The following RHBDD1 variants were observed in gnomAD, a reference collection of about 807,000 sequenced individuals.
RHBDD1 encodes the protein rhomboid domain containing 1.
Under a neutral mutation model 36.3 loss-of-function variants are expected in RHBDD1, and 38 were observed. That is an observed-to-expected ratio of 1.05 (90% CI 0.81 to 1.37). The LOEUF (loss-of-function observed/expected upper bound fraction) is 1.37, where lower values mean the gene tolerates loss of function less well. RHBDD1 is among the 40% of genes most tolerant of loss of function. The pLI is 0.00. For missense variants in RHBDD1, 393 were observed against 377.6 expected, an observed-to-expected ratio of 1.04 and a Z score of -0.34; for synonymous variants, 151 against 136.5, an observed-to-expected ratio of 1.11 and a Z score of -0.74.
intron 5 of RHBDD1, among the ~76,000 whole-genome samples, chr2:226,869,876 C>T (rs1944645462): frequency 6.6e-6 from 1 of 152,194 alleles, no homozygotes; most frequent in Admixed American, 6.5e-5. Flanking sequence ...GGGAGATGTG[C>T]AGGCCACCTC....
Position 226,849,789 on chromosome 2 carries a change from A to G in RHBDD1, c.-91+10162A>G, listed in dbSNP as rs138466294. Among the ~76,000 whole-genome samples the G allele has an allele frequency of 1.5e-4, 23 of 152,336 alleles. No individual in the cohort carries two copies. The East Asian group carries it at 3.7e-3, about 24-fold the overall frequency. On this transcript the variant is annotated intron_variant, in intron 3 of 8. Transcript: ENST00000392062. ...TATCTATATCTATATATCTATATCT[A>G]TATCTATTCCAGCTTTCAGAGTTCC...
chr2:226,818,113 G>A, the RHBDD1 span, among the ~76,000 whole-genome samples: 2 of 150,644 alleles, frequency 1.3e-5, no homozygotes, highest in Non-Finnish European at 3.0e-5. Flanking sequence ...GGCCAGATGT[G>A]GTTGGTCCAT....
Position 226,905,430 on chromosome 2 carries a change from G to A in RHBDD1, c.567-1363G>A, listed in dbSNP as rs557972776. On this transcript the variant is annotated intron_variant, in intron 5 of 8. Coordinates refer to ENST00000392062, the MANE Select transcript of RHBDD1 (RefSeq NM_001167608.3). Reference sequence around the variant, plus strand: ...GCCTATGGTCAGAGAGTGCTTGGGGGATGTGACAGTGGGGCATGTGGGAAT... The same window carrying A: ...GCCTATGGTCAGAGAGTGCTTGGGGAATGTGACAGTGGGGCATGTGGGAAT... Among the ~76,000 whole-genome samples the A allele has an allele frequency of 2.0e-5, 3 of 152,272 alleles. No individual in the cohort carries two copies. The South Asian group carries it at 6.2e-4, about 32-fold the overall frequency.
At chr2:226,869,113 A>T (rs1294730466) in intron 5 of RHBDD1, 2 of 897,448 alleles carry the variant, frequency 2.2e-6, no homozygotes, top group African/African-American at 3.6e-5. Context: ...ACTATTTCTG[A>T]AGTGCTTTTT....
At chr2:226,822,248 T>G in the RHBDD1 span, among the ~76,000 whole-genome samples, 1 of 152,288 alleles carries the variant, frequency 6.6e-6, no homozygotes, top group Non-Finnish European at 1.5e-5. Context: ...GCTTATATTA[T>G]ATTCATTTGA....
intron 8 of RHBDD1, among the ~76,000 whole-genome samples, chr2:226,934,870 T>C (rs1950242120): frequency 6.6e-6 from 1 of 152,152 alleles, no homozygotes; most frequent in Admixed American, 6.6e-5. Context: ...TTTCTTTTTT[T>C]TTTTAAATAG....
chr2:226,919,293 T>A (rs1413889917), intron 8 of RHBDD1, among the ~76,000 whole-genome samples: 1 of 152,104 alleles, frequency 6.6e-6, no homozygotes, highest in Non-Finnish European at 1.5e-5. Context: ...CTTTGTTGAT[T>A]GTTTCCTTTC....
chr2:226,880,953 A>G (rs1420489126), intron 5 of RHBDD1, among the ~76,000 whole-genome samples: 3 of 152,234 alleles, frequency 2.0e-5, no homozygotes, highest in Non-Finnish European at 4.4e-5. Flanking sequence ...GTATTAATTC[A>G]TTTTCATACT....
chr2:226,932,425 T>C (rs535334507), intron 8 of RHBDD1, among the ~76,000 whole-genome samples: 1 of 152,310 alleles, frequency 6.6e-6, no homozygotes, highest in African/African-American at 2.4e-5. Flanking sequence ...TTACCTGTGA[T>C]AATTATGAGT....
chr2:226,854,065 T>C (rs777626822), intron 3 of RHBDD1, among the ~76,000 whole-genome samples: 22 of 152,206 alleles, frequency 1.4e-4, no homozygotes, highest in Non-Finnish European at 2.9e-4. Flanking sequence ...AAAGTTATTA[T>C]TGGGAGGTAT....
chr2:226,943,718 G>C (rs540387072), intron 8 of RHBDD1, among the ~76,000 whole-genome samples: 53 of 152,282 alleles, frequency 3.5e-4, no homozygotes, highest in Non-Finnish European at 1.9e-4. Flanking sequence ...CTATTGTCTA[G>C]AGCATGCTTT....
At chr2:226,975,348 A>G (rs1367353672) in intron 8 of RHBDD1, among the ~76,000 whole-genome samples, 8 of 152,188 alleles carry the variant, frequency 5.3e-5, no homozygotes, top group Admixed American at 5.2e-4. Context: ...CCTTAAACTT[A>G]TACAATTTTA....
rs10559846 is a variant in RHBDD1 at position 226,908,582 on chromosome 2, TACACACACACAC to T, written c.656-212_656-201del. ...TGTAAATTAGGGTTTCATTTTCCAC[TACACACACACAC>T]ACACACACACACACACACACACACA... On this transcript the variant is annotated intron_variant, in intron 6 of 8. Coordinates refer to ENST00000392062, the MANE Select transcript of RHBDD1 (RefSeq NM_001167608.3). 58 of 346,910 alleles carry T rather than the reference TACACACACACAC, an allele frequency of 1.7e-4. 1 individual carries two copies. Among genetic ancestry groups the T allele is most frequent in the Admixed American group, 5.1e-4 (12 of 23,732 alleles). The allele number at this position is 346,910 out of a possible 1,614,324, so 21.5% of individuals were successfully genotyped here.
At chr2:226,900,927 A>G (rs1190458400) in intron 5 of RHBDD1, among the ~76,000 whole-genome samples, 1 of 152,158 alleles carries the variant, frequency 6.6e-6, no homozygotes, top group Admixed American at 6.6e-5. Context: ...TGTACAATGT[A>G]ATGTATTATT....
chr2:226,961,405 T>C (rs1041494215), intron 8 of RHBDD1, among the ~76,000 whole-genome samples: 12 of 152,234 alleles, frequency 7.9e-5, no homozygotes, highest in Admixed American at 7.2e-4. Flanking sequence ...AGGTCACTTA[T>C]AGAAATCGTT....
chr2:226,867,144 T>G, intron 4 of RHBDD1, 42 bp from the exon 5 acceptor site: 1 of 1,551,120 alleles, frequency 6.4e-7, no homozygotes, highest in Non-Finnish European at 8.7e-7. Flanking sequence ...ATACTCCTAC[T>G]TTTGGATTGT....
chr2:226,845,891 T>G (rs543141411), intron 3 of RHBDD1, among the ~76,000 whole-genome samples: 2 of 152,344 alleles, frequency 1.3e-5, no homozygotes, highest in East Asian at 1.9e-4. Context: ...AGCCTTGTCT[T>G]TTGTTATTAG....
At chr2:226,931,407 A>G (rs547998156) in intron 8 of RHBDD1, among the ~76,000 whole-genome samples, 12 of 152,184 alleles carry the variant, frequency 7.9e-5, no homozygotes, top group African/African-American at 2.2e-4. Flanking sequence ...ACCAAATACC[A>G]TATGTTCTCA....
chr2:226,921,586 T>A (rs1315564475), intron 8 of RHBDD1, among the ~76,000 whole-genome samples: 1 of 152,220 alleles, frequency 6.6e-6, no homozygotes, highest in Admixed American at 6.5e-5. Flanking sequence ...ATTTCCTCAT[T>A]AACCCACTGG....
Sources: gnomAD v4.1 joint callset for allele counts (sites outside exome capture counted in the v4.1 genomes callset) on GRCh38, gnomAD v4.1.1 for gene constraint, MANE v1.5 for transcripts, NCBI Gene and HGNC (gene_info 2026-07-23, HGNC 2026-07-21) for gene names.